NEK9: variants seen among roughly 807,000 people sequenced by gnomAD.
NEK9 encodes serine/threonine-protein kinase Nek9.
A neutral mutation model predicts 123.4 loss-of-function variants in NEK9; 75 were observed. The observed-to-expected ratio is 0.61, with a 90% CI of 0.50 to 0.74. The LOEUF (loss-of-function observed/expected upper bound fraction) is 0.74. Ranked by LOEUF, NEK9 falls within the 30% of genes least tolerant of loss-of-function variation. The pLI, the probability that NEK9 is intolerant of heterozygous loss-of-function variation, is 0.00. For synonymous variants in NEK9, 438 were observed against 458.7 expected (o/e 0.95, Z 0.58); for missense variants, 952 against 1,214.4 (o/e 0.78, Z 3.21).
chr14:75,116,083 A>G (rs1311466342), intron 6 of NEK9, among the ~76,000 whole-genome samples: 1 of 152,248 alleles, frequency 6.6e-6, no homozygotes, highest in Non-Finnish European at 1.5e-5. Flanking sequence ...AGTAAGTACA[A>G]TAAAGTGATA....
At position 75,087,007 on chromosome 14, in the gene NEK9, A is replaced by T; in HGVS notation, c.2817+11T>A. On this transcript the variant is annotated intron_variant, in intron 21 of 21. Transcript: ENST00000238616. ...GGCTTAGAAATTGGATTATTCTTTT[A>T]ATGCTCTCACCTGCTGCCCTCCTTC... 1 of 1,611,060 alleles carries T rather than the reference A, an allele frequency of 6.2e-7. No homozygotes were observed.
chr14:75,119,479 C>G (rs141009115), intron 4 of NEK9, among the ~76,000 whole-genome samples: 49 of 152,284 alleles, frequency 3.2e-4, no homozygotes, highest in African/African-American at 1.1e-3. Flanking sequence ...TAGGGCTTCA[C>G]AGCATAGAAA....
chr14:75,095,579 C>T (rs1894356244), intron 17 of NEK9, 148 bp from the exon 18 acceptor site: 2 of 537,254 alleles, frequency 3.7e-6, no homozygotes, highest in Admixed American at 6.0e-5. Context: ...GTATCATAAG[C>T]TAAGCACCAC....
intron 19 of NEK9, among the ~76,000 whole-genome samples, chr14:75,089,209 G>A (rs140298660): frequency 3.2e-4 from 49 of 152,104 alleles, no homozygotes; most frequent in African/African-American, 1.1e-3. Flanking sequence ...TAGGACCACA[G>A]GCATGTGCCA....
chr14:75,107,451 C>G lies in NEK9; in HGVS notation c.1219G>C (p.Gly407Arg). The G allele has an allele frequency of 6.2e-7, 1 of 1,613,292 alleles. No homozygotes were observed. The highest frequency in any genetic ancestry group is 8.5e-7 in the Non-Finnish European group (1 of 1,179,652). ...CGATAGGAGGCTTTGTCTCCATGGC[C>G]CAGCTGACCATGGAGTTTAGTGCCT... Reference protein sequence around the residue: ...QGGTKLHGQLGHGDKASYRQP... With the variant: ...QGGTKLHGQLRHGDKASYRQP... The change falls in exon 11 of 22, where the codon GGC (glycine) becomes CGC (arginine). Residue 407 changes from glycine to arginine, a missense_variant. Around this residue, in one of 4 missense-constraint regions of NEK9, gnomAD observed 698 missense variants for 875.6 expected, o/e 0.80. Transcript: ENST00000238616.
rs770272201 is a variant in NEK9 at position 75,087,013 on chromosome 14, C to T, written c.2817+5G>A. 42 of 1,613,168 alleles carry T rather than the reference C, an allele frequency of 2.6e-5. No individual in the cohort carries two copies. The highest frequency in any genetic ancestry group is 1.6e-4 in the Middle Eastern group (1 of 6,084). On this transcript the variant is annotated splice_donor_5th_base_variant and intron_variant, in intron 21 of 21. Coordinates refer to ENST00000238616, the MANE Select transcript of NEK9 (RefSeq NM_033116.6). ...GAAATTGGATTATTCTTTTAATGCT[C>T]TCACCTGCTGCCCTCCTTCTAATTT... is the stretch of plus-strand genomic sequence containing the variant.
intron 18 of NEK9, 96 bp downstream of exon 18, chr14:75,095,276 T>C: frequency 1.3e-6 from 1 of 767,286 alleles, no homozygotes; most frequent in Non-Finnish European, 2.2e-6. Flanking sequence ...CCCAAAGACA[T>C]TTCCCATTTT....
In NEK9 at chr14:75,127,020, A is replaced by G; in HGVS notation, c.-99T>C. 2 of 1,030,040 alleles carry G rather than the reference A, an allele frequency of 1.9e-6. No individual in the cohort carries two copies. The highest frequency in any genetic ancestry group is 2.7e-6 in the Non-Finnish European group (2 of 743,790). 63.8% of individuals were successfully genotyped at this position (1,030,040 alleles called of 1,614,324 possible). On this transcript the variant is annotated 5_prime_UTR_variant, in exon 1 of 22. Transcript: ENST00000238616. ...TCAGATGCCGGCCCGCGGATCCGTC[A>G]GCCCAGCAACCCCGCGAAGCTCGAT...
At chr14:75,112,907 A>T (rs1483002044) in intron 8 of NEK9, among the ~76,000 whole-genome samples, 2 of 152,212 alleles carry the variant, frequency 1.3e-5, no homozygotes, top group Admixed American at 1.3e-4. Flanking sequence ...CCCTGGGCTG[A>T]CCACTTTTTA....
At chr14:75,093,448 A>G (rs775302949) in intron 18 of NEK9, among the ~76,000 whole-genome samples, 11 of 151,812 alleles carry the variant, frequency 7.2e-5, no homozygotes, top group East Asian at 1.9e-4. Flanking sequence ...ATTACTATTC[A>G]TTTTACTTTT....
intron 20 of NEK9, among the ~76,000 whole-genome samples, chr14:75,087,501 A>G (rs1894067521): frequency 6.6e-6 from 1 of 152,224 alleles, no homozygotes; most frequent in Non-Finnish European, 1.5e-5. Flanking sequence ...GAAAAATTTT[A>G]AAGCACCTTG....
In NEK9 at chr14:75,109,733, A is replaced by G. The variant is rs745427561; in HGVS notation, c.1134T>C (p.Asn378=). 7 of 1,613,964 alleles carry G rather than the reference A, an allele frequency of 4.3e-6. No homozygotes were observed. Among genetic ancestry groups the G allele is most frequent in the African/African-American group, 1.3e-5 (1 of 74,912 alleles). ...GCSARQVCAG[N]THFAVVTVEK... is the part of the protein sequence containing the mutation. ...CCACTGTGACCACAGCAAAGTGGGTATTCCCTGCACAGACCTGCCGGGCAC... is the reference window on the plus strand; with the variant it reads ...CCACTGTGACCACAGCAAAGTGGGTGTTCCCTGCACAGACCTGCCGGGCAC... The change falls in exon 10 of 22, where the codon AAT becomes AAC. Residue 378 remains asparagine (N), a synonymous_variant. Transcript: ENST00000238616.
intron 18 of NEK9, among the ~76,000 whole-genome samples, chr14:75,092,329 C>T (rs4026178): frequency 0.018 from 2,649 of 149,390 alleles, 84 homozygotes; most frequent in African/African-American, 0.063. Context: ...TGCAGTGGCA[C>T]GATCTTGGCT....
At chr14:75,105,904 G>T in intron 13 of NEK9, 46 bp downstream of exon 13, 2 of 1,439,274 alleles carry the variant, frequency 1.4e-6, no homozygotes, top group Non-Finnish European at 9.8e-7. Flanking sequence ...ATTGGAGTCT[G>T]TGCGACTTAA....
At position 75,083,700 on chromosome 14, in the gene NEK9, G is replaced by A. The variant is rs1893932492; in HGVS notation, c.*864C>T. 1.3e-5 allele frequency: 2 copies of A among 152,184 alleles called. No homozygotes were observed. Among genetic ancestry groups the A allele is most frequent in the African/African-American group, 4.8e-5 (2 of 41,440 alleles). 9.4% of individuals were successfully genotyped at this position (152,184 alleles called of 1,614,324 possible). A position where few individuals can be genotyped will look rare whatever the true frequency, so the allele number is the denominator to read the frequency against. ...CTCTAAGCCCTCTCTAAGATACCAA[G>A]TAGAGGCAGCTAAAGGAGGACCTCT... On this transcript the variant is annotated 3_prime_UTR_variant, in exon 22 of 22. Transcript: ENST00000238616.
At chr14:75,120,762 A>C in intron 3 of NEK9, 182 bp from the exon 4 acceptor site, 1 of 588,724 alleles carries the variant, frequency 1.7e-6, no homozygotes, top group Non-Finnish European at 3.0e-6. Context: ...AAACCACAAA[A>C]AACAGGTTCC....
chr14:75,101,059 T>TC lies in NEK9; in HGVS notation c.1934dup (p.Pro646ThrfsTer14), dbSNP rs753437319. On this transcript the variant is annotated frameshift_variant, in exon 16 of 22. Transcript: ENST00000238616. LOFTEE classifies it high-confidence loss of function. ...TGATCACTTGCTTCCCACCAAGGGG[T>TC]CCCCCCAACAGGTTGATTCCCAGAC... is the stretch of plus-strand genomic sequence containing the variant. The TC allele has an allele frequency of 1.2e-6, 2 of 1,614,042 alleles. No homozygotes were observed. The highest frequency in any genetic ancestry group is 1.7e-6 in the Non-Finnish European group (2 of 1,179,992).
intron 19 of NEK9, among the ~76,000 whole-genome samples, chr14:75,090,949 C>A (rs558100901): frequency 6.6e-6 from 1 of 152,296 alleles, no homozygotes; most frequent in Non-Finnish European, 1.5e-5. Flanking sequence ...CTCCAATATT[C>A]CATTTCTATA....
chr14:75,105,869 C>T (rs918454690), intron 13 of NEK9, 81 bp downstream of exon 13: 2 of 1,112,180 alleles, frequency 1.8e-6, no homozygotes, highest in African/African-American at 1.6e-5. Flanking sequence ...CTTGATACAA[C>T]AGAGCCAAGG....
Sources: gnomAD v4.1 joint callset for allele counts (sites outside exome capture counted in the v4.1 genomes callset) on GRCh38, gnomAD v4.1.1 for gene constraint, gnomAD v4.1.1 regional missense constraint, MANE v1.5 for transcripts, NCBI Gene and HGNC (gene_info 2026-07-23, HGNC 2026-07-21) for gene names.